Variants in CUBN observed in about 807,000 individuals in gnomAD.
CUBN encodes 460 kDa receptor.
CUBN carries 282 observed loss-of-function variants against 405.3 expected under a neutral mutation model. The ratio of observed to expected loss-of-function variants is 0.70; its 90% CI spans 0.63 to 0.77. The LOEUF (loss-of-function observed/expected upper bound fraction) is 0.77, where lower values mean the gene tolerates loss of function less well. Ranked by LOEUF, CUBN falls within the 30% of genes least tolerant of loss-of-function variation. The probability of loss-of-function intolerance (pLI) is 0.00; values close to 1 mark genes in which losing one functional copy is unlikely to be tolerated. For missense variants in CUBN, 4,514 were observed against 4,475.2 expected, an observed-to-expected ratio of 1.01 and a Z score of -0.25; for synonymous variants, 1,684 against 1,617.0, an observed-to-expected ratio of 1.04 and a Z score of -0.99.
intron 56 of CUBN, among the ~76,000 whole-genome samples, chr10:16,880,928 T>A (rs991901815): frequency 4.5e-4 from 69 of 152,110 alleles, no homozygotes; most frequent in Non-Finnish European, 2.6e-4. Context: ...TTAGAAGCAA[T>A]ATGATGTGGA....
chr10:17,018,254 C>G (rs1834392425), intron 28 of CUBN, among the ~76,000 whole-genome samples: 2 of 152,156 alleles, frequency 1.3e-5, no homozygotes, highest in African/African-American at 2.4e-5. Context: ...CGAAAGGGGT[C>G]CAGTGGTACT....
intron 31 of CUBN, among the ~76,000 whole-genome samples, chr10:16,971,288 C>T (rs574885934): frequency 3.3e-5 from 5 of 152,288 alleles, no homozygotes; most frequent in South Asian, 4.1e-4. Context: ...CTTTGGGGTA[C>T]GTTTCCCGTC....
chr10:17,092,988 T>A (rs1836298026), intron 14 of CUBN, among the ~76,000 whole-genome samples: 1 of 152,194 alleles, frequency 6.6e-6, no homozygotes, highest in Admixed American at 6.5e-5. Flanking sequence ...TTTTCAGGCA[T>A]TGAGAACAAA....
intron 27 of CUBN, among the ~76,000 whole-genome samples, chr10:17,026,242 A>T (rs952976350): frequency 2.0e-5 from 3 of 152,204 alleles, no homozygotes; most frequent in African/African-American, 7.2e-5. Context: ...TTGCACTCAC[A>T]TCTCCTGGAA....
chr10:16,973,157 C>T (rs1270591950), intron 31 of CUBN, among the ~76,000 whole-genome samples: 2 of 152,202 alleles, frequency 1.3e-5, no homozygotes, highest in African/African-American at 4.8e-5. Context: ...CATTTCTTCA[C>T]GCTCCAGGGA....
Position 16,890,443 on chromosome 10 carries a change from T to A in CUBN, c.8683A>T (p.Ser2895Cys). The stretch of plus-strand genomic sequence containing the variant: ...TGGAAGACGGCAGTGAATGTGTTAC[T>A]TGGTGTGATAACGGGACCCGGAGCC... ...NVAPGPVITP[S>C]NTFTAVFQSQ... The change falls in exon 55 of 67, where the codon AGT becomes TGT. Residue 2895 changes from serine to cysteine, a missense_variant. This residue lies in a region of CUBN where 1,186 missense variants were observed against 1,186.9 expected (regional missense o/e 1.00). Transcript: ENST00000377833. The A allele has an allele frequency of 1.2e-6, 2 of 1,614,140 alleles. No homozygotes were observed. Among genetic ancestry groups the A allele is most frequent in the Non-Finnish European group, 1.7e-6 (2 of 1,180,022 alleles).
At position 16,824,771 on chromosome 10, in the gene CUBN, CG is replaced by C. The variant is rs1394188112; in HGVS notation, c.*203del. 21 of 534,402 alleles carry C rather than the reference CG, an allele frequency of 3.9e-5. No homozygotes were observed. The highest frequency in any genetic ancestry group is 6.7e-5 in the Non-Finnish European group (19 of 283,778). The allele number at this position is 534,402 out of a possible 1,614,324, so 33.1% of individuals were successfully genotyped here. On this transcript the variant is annotated 3_prime_UTR_variant, in exon 67 of 67. Coordinates refer to ENST00000377833, the MANE Select transcript of CUBN (RefSeq NM_001081.4). ...CTGACCTCAGGTGATCAACCTGCCT[CG>C]GCCTCCCAAAGTGCTGAGAATACAG...
intron 31 of CUBN, among the ~76,000 whole-genome samples, chr10:16,966,283 G>A (rs912916802): frequency 6.6e-6 from 1 of 152,176 alleles, no homozygotes; most frequent in African/African-American, 2.4e-5. Flanking sequence ...GTAACAAAGA[G>A]CACAGTGTCT....
At chr10:16,999,745 T>C (rs1309492382) in intron 28 of CUBN, among the ~76,000 whole-genome samples, 1 of 152,244 alleles carries the variant, frequency 6.6e-6, no homozygotes, top group East Asian at 1.9e-4. Context: ...GTCATACTTC[T>C]ATTTAGAAAT....
In CUBN at chr10:17,063,803, T is replaced by C. The variant is rs187756538; in HGVS notation, c.3139+1705A>G. Among the ~76,000 whole-genome samples, 742 of 152,348 alleles carry C rather than the reference T, an allele frequency of 4.9e-3. 7 individuals carry two copies. Among genetic ancestry groups the C allele is most frequent in the Admixed American group, 7.5e-3 (115 of 15,306 alleles). On this transcript the variant is annotated intron_variant, in intron 22 of 66. Transcript: ENST00000377833. ...ATCTAAGATACAGCCAGTTTATTCATGCACCAAATTAAAATTATGTTCATA... is the reference window on the plus strand; with the variant it reads ...ATCTAAGATACAGCCAGTTTATTCACGCACCAAATTAAAATTATGTTCATA...
Position 17,122,907 on chromosome 10 carries a change from A to G in CUBN, c.490-9T>C, listed in dbSNP as rs763856970. 6.2e-7 allele frequency: 1 copy of G among 1,603,282 alleles called. No individual in the cohort carries two copies. The highest frequency in any genetic ancestry group is 8.5e-7 in the Non-Finnish European group (1 of 1,170,186). ...GCTGAGCAGAGAGGACCCTGTGATC[A>G]TATAAGGAACAAAGTCAGGTGCCAA... On this transcript the variant is annotated splice_polypyrimidine_tract_variant and intron_variant, in intron 5 of 66. Transcript: ENST00000377833.
At chr10:17,040,040 A>C (rs1466349660) in intron 27 of CUBN, among the ~76,000 whole-genome samples, 4 of 152,152 alleles carry the variant, frequency 2.6e-5, no homozygotes, top group African/African-American at 9.7e-5. Flanking sequence ...TAAAAACACA[A>C]TTAAGAACAT....
chr10:17,104,031 C>T (rs773516253), intron 12 of CUBN, among the ~76,000 whole-genome samples: 6 of 152,090 alleles, frequency 3.9e-5, no homozygotes, highest in Admixed American at 1.3e-4. Context: ...TAACAGGCAA[C>T]GGGAAGCCAC....
Position 17,108,854 on chromosome 10 carries a change from T to G in CUBN, c.1111+786A>C, listed in dbSNP as rs373219617. On this transcript the variant is annotated intron_variant, in intron 10 of 66. Coordinates refer to ENST00000377833, the MANE Select transcript of CUBN (RefSeq NM_001081.4). ...AAGACAGATAATGAGATAATGTCCTTAGTACATAAAGAAACTTTACCAATC... is the reference window on the plus strand; with the variant it reads ...AAGACAGATAATGAGATAATGTCCTGAGTACATAAAGAAACTTTACCAATC... Among the ~76,000 whole-genome samples the G allele has an allele frequency of 2.0e-5, 3 of 152,248 alleles. No homozygotes were observed. In the South Asian group the frequency reaches 6.2e-4, roughly 32 times the overall value.
At chr10:17,034,324 A>G (rs1588599744) in intron 27 of CUBN, among the ~76,000 whole-genome samples, 1 of 152,262 alleles carries the variant, frequency 6.6e-6, no homozygotes, top group South Asian at 2.1e-4. Context: ...TAAACATAAT[A>G]TCAACTGTAT....
Position 17,045,003 on chromosome 10 carries a change from A to G in CUBN, c.3672+4T>C. ...GAACAATATGATGGAAACATTATAC[A>G]TACAGCCAGGTAATCTAAAGTGCAG... On this transcript the variant is annotated splice_donor_region_variant and intron_variant, in intron 25 of 66. Coordinates refer to ENST00000377833, the MANE Select transcript of CUBN (RefSeq NM_001081.4). 1 of 1,613,602 alleles carries G rather than the reference A, an allele frequency of 6.2e-7. No homozygotes were observed. The highest frequency in any genetic ancestry group is 8.5e-7 in the Non-Finnish European group (1 of 1,179,538).
At chr10:17,087,478 T>A (rs74717175) in intron 15 of CUBN, among the ~76,000 whole-genome samples, 4 of 97,052 alleles carry the variant, frequency 4.1e-5, no homozygotes, top group African/African-American at 1.7e-4. Context: ...TTTTCTTTTT[T>A]TTTTTTTTTT....
At chr10:16,854,117 G>C (rs1281722164) in intron 59 of CUBN, among the ~76,000 whole-genome samples, 4 of 152,154 alleles carry the variant, frequency 2.6e-5, no homozygotes, top group African/African-American at 9.7e-5. Flanking sequence ...CCAAGGAGGA[G>C]GTGATTTGGA....
At chr10:17,023,487 C>T (rs191915530) in intron 27 of CUBN, 14 of 386,306 alleles carry the variant, frequency 3.6e-5, no homozygotes, top group East Asian at 2.2e-4. Flanking sequence ...AATTCATTCC[C>T]GCGCAAATTG....
Sources: gnomAD v4.1 joint callset for allele counts (sites outside exome capture counted in the v4.1 genomes callset) on GRCh38, gnomAD v4.1.1 for gene constraint, gnomAD v4.1.1 regional missense constraint, MANE v1.5 for transcripts, NCBI Gene and HGNC (gene_info 2026-07-23, HGNC 2026-07-21) for gene names.